The following CCDC34 variants were observed in gnomAD, a reference collection of about 807,000 sequenced individuals.
CCDC34 encodes the protein coiled-coil domain containing 34.
A neutral mutation model predicts 44.1 loss-of-function variants in CCDC34; 40 were observed. That is an observed-to-expected ratio of 0.91 (90% confidence interval 0.70 to 1.18). The LOEUF (loss-of-function observed/expected upper bound fraction) is 1.18. CCDC34 is among the 50% of genes most tolerant of loss of function. The pLI, the probability that CCDC34 is intolerant of heterozygous loss-of-function variation, is 0.00. For synonymous variants in CCDC34, 159 were observed against 158.2 expected, an observed-to-expected ratio of 1.01 and a Z score of -0.04; for missense variants, 466 against 452.3, an observed-to-expected ratio of 1.03 and a Z score of -0.28.
At chr11:27,342,291 C>CTA (rs34284661) in intron 3 of CCDC34, among the ~76,000 whole-genome samples, 326 of 139,220 alleles carry the variant, frequency 2.3e-3, no homozygotes, top group African/African-American at 7.2e-3. Flanking sequence ...AAAACAGGGG[C>CTA]TATATATATA....
intron 3 of CCDC34, among the ~76,000 whole-genome samples, chr11:27,348,353 C>T (rs1862461100): frequency 6.6e-6 from 1 of 152,172 alleles, no homozygotes; most frequent in African/African-American, 2.4e-5. Flanking sequence ...GAACGAAAAA[C>T]GATTTTATTT....
chr11:27,347,851 C>T (rs774380770), intron 3 of CCDC34, among the ~76,000 whole-genome samples: 1 of 151,992 alleles, frequency 6.6e-6, no homozygotes. Context: ...AGTCATCAAA[C>T]TTAAAATAGT....
At position 27,341,485 on chromosome 11, in the gene CCDC34, C is replaced by T; in HGVS notation, c.672G>A (p.Glu224=). ...EMEEKAAKEL[E]KEYLQEKAKE... ...TTGCTTTTTCTTGCAAGTATTCTTTCTCCAGTTCCTTTGCTGCTTTTTCCT... is the reference window on the plus strand; with the variant it reads ...TTGCTTTTTCTTGCAAGTATTCTTTTTCCAGTTCCTTTGCTGCTTTTTCCT... Residue 224 remains glutamate, a synonymous_variant, in exon 4 of 6, where the codon GAG becomes GAA. Coordinates refer to ENST00000328697, the MANE Select transcript of CCDC34 (RefSeq NM_030771.2). 1 of 1,432,214 alleles carries T rather than the reference C, an allele frequency of 7.0e-7. No individual in the cohort carries two copies. Among genetic ancestry groups the T allele is most frequent in the Non-Finnish European group, 9.4e-7 (1 of 1,059,132 alleles). 88.7% of individuals were successfully genotyped at this position (1,432,214 alleles called of 1,614,324 possible).
At chr11:27,348,118 C>T (rs1189948923) in intron 3 of CCDC34, among the ~76,000 whole-genome samples, 1 of 152,024 alleles carries the variant, frequency 6.6e-6, no homozygotes, top group Non-Finnish European at 1.5e-5. Flanking sequence ...AGACGCTGCA[C>T]CGAGAGAACC....
At chr11:27,342,569 C>G (rs568389337) in intron 3 of CCDC34, among the ~76,000 whole-genome samples, 39 of 152,106 alleles carry the variant, frequency 2.6e-4, no homozygotes, top group African/African-American at 9.4e-4. Flanking sequence ...GGGTGGCAAA[C>G]TAAGCACTGA....
At position 27,339,031 on chromosome 11, in the gene CCDC34, A is replaced by G; in HGVS notation, c.912T>C (p.Phe304=). ...GTTCTGGATAGGAATTTCCACTGTA[A>G]AAACCTAAAATTATTGAAAAATCAG... ...YGYANGKLTG[F]YSGNSYPEPA... is the part of the protein sequence containing the mutation. The change falls in exon 6 of 6, where the codon TTT becomes TTC. Residue 304 remains phenylalanine, a synonymous_variant. Transcript: ENST00000328697. 4.4e-6 allele frequency: 7 copies of G among 1,601,112 alleles called. No individual in the cohort carries two copies. Among genetic ancestry groups the G allele is most frequent in the Non-Finnish European group, 5.9e-6 (7 of 1,176,518 alleles).
At chr11:27,343,967 C>G (rs1008674318) in intron 3 of CCDC34, among the ~76,000 whole-genome samples, 1 of 152,074 alleles carries the variant, frequency 6.6e-6, no homozygotes, top group Non-Finnish European at 1.5e-5. Flanking sequence ...GTCAAAATTC[C>G]TTAAAATATG....
chr11:27,346,113 C>T lies in CCDC34; in HGVS notation c.606+4219G>A, dbSNP rs115689005. On this transcript the variant is annotated intron_variant, in intron 3 of 5. Transcript: ENST00000328697. ...AAATTCATCAAAATTTAAAACTTCTCTTTAAAAAATACCATTAATCAGTGC... is the reference window on the plus strand; with the variant it reads ...AAATTCATCAAAATTTAAAACTTCTTTTTAAAAAATACCATTAATCAGTGC... Among the ~76,000 whole-genome samples, 467 of 152,074 alleles carry T rather than the reference C, an allele frequency of 3.1e-3. 5 individuals carry two copies. The highest frequency in any genetic ancestry group is 0.011 in the African/African-American group (452 of 41,512).
chr11:27,338,564 C>G lies in CCDC34; in HGVS notation c.*257G>C. On this transcript the variant is annotated 3_prime_UTR_variant, in exon 6 of 6. Transcript: ENST00000328697. ...TATTACAGTGTACTTTTAATACAAG[C>G]TAAATACAAACACAATTCTTACATA... The G allele has an allele frequency of 4.8e-6, 2 of 416,028 alleles. No homozygotes were observed. The highest frequency in any genetic ancestry group is 8.8e-5 in the Admixed American group (2 of 22,632). The allele number at this position is 416,028 out of a possible 1,614,324, so 25.8% of individuals were successfully genotyped here. A position where few individuals can be genotyped will look rare whatever the true frequency, so the allele number is the denominator to read the frequency against.
Position 27,357,522 on chromosome 11 carries a change from T to C in CCDC34, c.379A>G (p.Asn127Asp). The change falls in exon 2 of 6, where the codon AAT becomes GAT. Residue 127 changes from asparagine to aspartate, a missense_variant. Coordinates refer to ENST00000328697, the MANE Select transcript of CCDC34 (RefSeq NM_030771.2). The part of the protein sequence containing the change: ...GCASTQVESE[N>D]NQEEQKQVRL... ...ACCTGTTTCTGTTCTTCTTGGTTAT[T>C]TTCTGATTCAACCTGAGTGCTACAA... 2.5e-6 allele frequency: 4 copies of C among 1,614,024 alleles called. No homozygotes were observed. The highest frequency in any genetic ancestry group is 3.4e-6 in the Non-Finnish European group (4 of 1,179,920).
chr11:27,362,293 C>T (rs1046074165), intron 1 of CCDC34, among the ~76,000 whole-genome samples: 1 of 152,228 alleles, frequency 6.6e-6, no homozygotes, highest in African/African-American at 2.4e-5. Flanking sequence ...ATCCATTCCT[C>T]TGTGCATGCT....
At position 27,338,823 on chromosome 11, in the gene CCDC34, A is replaced by T; in HGVS notation, c.1120T>A (p.Ter374LysextTer27). The T allele has an allele frequency of 6.2e-7, 1 of 1,608,794 alleles. No homozygotes were observed. Among genetic ancestry groups the T allele is most frequent in the Non-Finnish European group, 8.5e-7 (1 of 1,176,512 alleles). The change falls in exon 6 of 6, where the codon TAG (stop) becomes AAG (lysine). Residue 374 changes from the stop codon to lysine (K), a stop_lost. Coordinates refer to ENST00000328697, the MANE Select transcript of CCDC34 (RefSeq NM_030771.2). ...CLGTLCRIQR[*>K] ...AAGCATGTTATTTTCCACATACGCTATCTTTGTATTCTGCACAGAGTTCCA... is the reference window on the plus strand; with the variant it reads ...AAGCATGTTATTTTCCACATACGCTTTCTTTGTATTCTGCACAGAGTTCCA...
chr11:27,345,201 C>G (rs1460429396), intron 3 of CCDC34, among the ~76,000 whole-genome samples: 1 of 152,126 alleles, frequency 6.6e-6, no homozygotes, highest in Non-Finnish European at 1.5e-5. Context: ...AATAGACATA[C>G]AGGTAAAGCT....
chr11:27,356,825 C>T (rs961616603), intron 2 of CCDC34, among the ~76,000 whole-genome samples: 2 of 145,074 alleles, frequency 1.4e-5, no homozygotes, highest in Non-Finnish European at 3.0e-5. Context: ...AGTTTCCCAC[C>T]GCCCAGCACA....
In CCDC34 at chr11:27,350,428, T is replaced by C; in HGVS notation, c.510A>G (p.Gln170=). 1 of 1,601,520 alleles carries C rather than the reference T, an allele frequency of 6.2e-7. No homozygotes were observed. Among genetic ancestry groups the C allele is most frequent in the Non-Finnish European group, 8.5e-7 (1 of 1,172,468 alleles). The change falls in exon 3 of 6, where the codon CAA becomes CAG. Residue 170 remains glutamine, a synonymous_variant. Transcript: ENST00000328697. ...CCATTTCTTTTCTTTTTTCTAGTTG[T>C]TGATTTAATTCCTGTGGATTTTATT... The part of the protein sequence containing the change: ...LQLKALEELN[Q]QLEKRKEMEE...
Position 27,350,447 on chromosome 11 carries a change from T to C in CCDC34, c.499-8A>G. Reference sequence around the variant, plus strand: ...TAGTTGTTGATTTAATTCCTGTGGATTTTATTTAGACAAAAGGCAACATTT... The same window carrying C: ...TAGTTGTTGATTTAATTCCTGTGGACTTTATTTAGACAAAAGGCAACATTT... On this transcript the variant is annotated splice_polypyrimidine_tract_variant and splice_region_variant and intron_variant, in intron 2 of 5. Coordinates refer to ENST00000328697, the MANE Select transcript of CCDC34 (RefSeq NM_030771.2). 1.3e-6 allele frequency: 2 copies of C among 1,587,004 alleles called. No homozygotes were observed. Among genetic ancestry groups the C allele is most frequent in the Non-Finnish European group, 1.7e-6 (2 of 1,164,076 alleles).
rs539472438 is a variant in CCDC34, at chr11:27,353,111, A to G, written c.499-2672T>C. Among the ~76,000 whole-genome samples, 9 of 152,340 alleles carry G rather than the reference A, an allele frequency of 5.9e-5. No individual in the cohort carries two copies. In the South Asian group the frequency reaches 1.9e-3, roughly 32 times the overall value. On this transcript the variant is annotated intron_variant, in intron 2 of 5. Coordinates refer to ENST00000328697, the MANE Select transcript of CCDC34 (RefSeq NM_030771.2). ...GGAATACAACACTTGATTATGGAAAACCAAAATCCAAAGAAGATCTTAAAC... is the reference window on the plus strand; with the variant it reads ...GGAATACAACACTTGATTATGGAAAGCCAAAATCCAAAGAAGATCTTAAAC...
intron 4 of CCDC34, 44 bp from the exon 5 acceptor site, chr11:27,340,881 C>T (rs760244041): frequency 6.4e-7 from 1 of 1,564,718 alleles, no homozygotes; most frequent in Admixed American, 1.9e-5. Flanking sequence ...TATTCTGTAA[C>T]TATACATTCC....
At chr11:27,340,230 C>G (rs1172725496) in intron 5 of CCDC34, among the ~76,000 whole-genome samples, 1 of 152,134 alleles carries the variant, frequency 6.6e-6, no homozygotes, top group African/African-American at 2.4e-5. Flanking sequence ...CATGCACTAC[C>G]CTTTATAATC....
Sources: allele counts gnomAD v4.1 joint callset (sites outside exome capture counted in the v4.1 genomes callset), GRCh38; gene constraint gnomAD v4.1.1; transcripts MANE v1.5; gene names NCBI Gene and HGNC (gene_info 2026-07-23, HGNC 2026-07-21).